The following TTLL11 variants were observed in gnomAD, a reference collection of about 807,000 sequenced individuals.
TTLL11 encodes the protein tubulin tyrosine ligase like 11, also known as tubulin polyglutamylase TTLL11.
Under a neutral mutation model 51.7 loss-of-function variants are expected in TTLL11, and 42 were observed. The ratio of observed to expected loss-of-function variants is 0.81; its 90% CI spans 0.64 to 1.05. The LOEUF (loss-of-function observed/expected upper bound fraction) is 1.05. TTLL11 is among the 50% of genes least tolerant of loss of function. TTLL11 has a pLI of 0.00. For synonymous variants in TTLL11, 381 were observed against 383.5 expected (o/e 0.99, Z 0.08); for missense variants, 799 against 940.4 (o/e 0.85, Z 1.97).
At position 121,947,063 on chromosome 9, in the gene TTLL11, A is replaced by G. The variant is rs143762311; in HGVS notation, c.1481+26946T>C. ...CCTGTTCCAGGTAGCCCAGCTCTCA[A>G]GCAGAAAAATGGGGACTAAAACCAG... On this transcript the variant is annotated intron_variant, in intron 6 of 8. Transcript: ENST00000321582. 6.6e-5 allele frequency among the ~76,000 whole-genome samples: 10 copies of G among 152,256 alleles called. 1 individual carries two copies. Among genetic ancestry groups the G allele is most frequent in the African/African-American group, 2.4e-4 (10 of 41,536 alleles).
At position 121,832,884 on chromosome 9, in the gene TTLL11, G is replaced by A. The variant is rs1016841581; in HGVS notation, c.1841-10005C>T. On this transcript the variant is annotated intron_variant, in intron 8 of 8. Coordinates refer to ENST00000321582, the MANE Select transcript of TTLL11 (RefSeq NM_001139442.2). Reference sequence around the variant, plus strand: ...TAACCCAGGAGGCGGATGTTTCAGTGAGCTGAGATTGCATCAGTGCACTCC... The same window carrying A: ...TAACCCAGGAGGCGGATGTTTCAGTAAGCTGAGATTGCATCAGTGCACTCC... Among the ~76,000 whole-genome samples, 155 of 152,200 alleles carry A rather than the reference G, an allele frequency of 1.0e-3. 15 individuals carry two copies.
chr9:121,992,552 A>G (rs1481972459), intron 3 of TTLL11, among the ~76,000 whole-genome samples: 3 of 152,248 alleles, frequency 2.0e-5, no homozygotes, highest in Non-Finnish European at 4.4e-5. Context: ...AGTGAATTAA[A>G]TAAAAATACC....
chr9:121,985,513 C>CTTTT (rs71371908), intron 4 of TTLL11, among the ~76,000 whole-genome samples: 186 of 97,086 alleles, frequency 1.9e-3, no homozygotes, highest in Middle Eastern at 5.8e-3. Context: ...ATTTTCTTTT[C>CTTTT]TTTTTTTTTT....
intron 6 of TTLL11, among the ~76,000 whole-genome samples, chr9:121,899,894 T>C (rs923265618): frequency 4.6e-5 from 7 of 152,190 alleles, no homozygotes; most frequent in African/African-American, 7.2e-5. Flanking sequence ...AATTTAAAAA[T>C]TACCCTTCCA....
intron 7 of TTLL11, among the ~76,000 whole-genome samples, chr9:121,861,956 C>T (rs1305857959): frequency 1.3e-5 from 2 of 152,182 alleles, no homozygotes; most frequent in Non-Finnish European, 2.9e-5. Flanking sequence ...TCTGTGTGGG[C>T]TGACACAGAA....
rs370296678 is a variant in TTLL11 at position 121,870,591 on chromosome 9, G to T, written c.1639C>A (p.Arg547Ser). ...PKYAKQFNYL[R>S]LVDRMANLFI... ...AAATTTGCCATCCTGTCCACCAGGC[G>T]CAGGTAGTTGAACTGTTTTGCGTAC... Residue 547 changes from arginine to serine, a missense_variant, in exon 7 of 9, where the codon CGC becomes AGC. Arg to Ser is a moderately radical substitution (Grantham distance 110). This residue lies in a region of TTLL11 where 468 missense variants were observed against 612.8 expected (regional missense o/e 0.76). Coordinates refer to ENST00000321582, the MANE Select transcript of TTLL11 (RefSeq NM_001139442.2). 4.5e-6 allele frequency: 7 copies of T among 1,551,588 alleles called. No individual in the cohort carries two copies. The highest frequency in any genetic ancestry group is 2.7e-5 in the African/African-American group (2 of 73,036).
At chr9:121,878,289 G>A (rs953398070) in intron 6 of TTLL11, among the ~76,000 whole-genome samples, 1 of 152,134 alleles carries the variant, frequency 6.6e-6, no homozygotes, top group Non-Finnish European at 1.5e-5. Flanking sequence ...TCTGCTTGGG[G>A]GGCTTGTAAC....
At chr9:121,879,979 G>GA (rs1838721304) in intron 6 of TTLL11, among the ~76,000 whole-genome samples, 1 of 151,246 alleles carries the variant, frequency 6.6e-6, no homozygotes, top group Non-Finnish European at 1.5e-5. Flanking sequence ...AAAAGAAAAA[G>GA]AAAAGAAAAA....
chr9:121,842,772 AT>A (rs1837397684), intron 8 of TTLL11, among the ~76,000 whole-genome samples: 1 of 152,194 alleles, frequency 6.6e-6, no homozygotes, highest in African/African-American at 2.4e-5. Context: ...GTAAGCCCAG[AT>A]TTCCCCGGAG....
intron 3 of TTLL11, among the ~76,000 whole-genome samples, chr9:121,998,918 G>A (rs996116421): frequency 6.6e-6 from 1 of 152,168 alleles, no homozygotes; most frequent in Non-Finnish European, 1.5e-5. Flanking sequence ...GAGATTATGG[G>A]CATGAGCCAC....
intron 8 of TTLL11, among the ~76,000 whole-genome samples, chr9:121,851,734 C>T (rs548178150): frequency 1.7e-4 from 26 of 152,318 alleles, no homozygotes; most frequent in Middle Eastern, 3.4e-3. Context: ...CCCCTCAGTG[C>T]AGTTGGGAGC....
At chr9:121,857,721 G>T (rs1564275646) in intron 8 of TTLL11, among the ~76,000 whole-genome samples, 1 of 152,164 alleles carries the variant, frequency 6.6e-6, no homozygotes, top group Non-Finnish European at 1.5e-5. Context: ...AGAATACGGA[G>T]ACCCTGGCAG....
intron 6 of TTLL11, among the ~76,000 whole-genome samples, chr9:121,921,343 T>A (rs1399653458): frequency 6.6e-6 from 1 of 152,172 alleles, no homozygotes; most frequent in East Asian, 1.9e-4. Flanking sequence ...GTCCTGAAGG[T>A]GCTTAGATTA....
Position 122,043,858 on chromosome 9 carries a change from T to C in TTLL11, c.463-4490A>G, listed in dbSNP as rs181327087. Among the ~76,000 whole-genome samples the C allele has an allele frequency of 2.3e-3, 350 of 152,162 alleles. 1 individual carries two copies. Among genetic ancestry groups the C allele is most frequent in the African/African-American group, 7.9e-3 (329 of 41,552 alleles). On this transcript the variant is annotated intron_variant, in intron 1 of 8. Transcript: ENST00000321582. The stretch of plus-strand genomic sequence containing the variant: ...TATATATATATTTTTTTCTTTTCTT[T>C]TTTTATTTTATTATTATACTTTAAG...
At chr9:122,056,492 T>G (rs920151641) in intron 1 of TTLL11, among the ~76,000 whole-genome samples, 10 of 152,290 alleles carry the variant, frequency 6.6e-5, no homozygotes, top group African/African-American at 2.4e-4. Context: ...TTTAACCCTC[T>G]GGTACTGCAT....
chr9:122,091,889 A>G (rs1450756993), intron 1 of TTLL11, among the ~76,000 whole-genome samples: 2 of 152,228 alleles, frequency 1.3e-5, no homozygotes, highest in East Asian at 3.9e-4. Context: ...CTCAGGGATG[A>G]TAACTCATGT....
At chr9:121,917,203 C>T (rs537187008) in intron 6 of TTLL11, among the ~76,000 whole-genome samples, 195 of 152,170 alleles carry the variant, frequency 1.3e-3, no homozygotes, top group African/African-American at 4.5e-3. Context: ...CATGGTGGCT[C>T]ATGCCTATAA....
At chr9:121,966,272 G>A (rs571970630) in intron 6 of TTLL11, among the ~76,000 whole-genome samples, 17 of 152,282 alleles carry the variant, frequency 1.1e-4, no homozygotes, top group Non-Finnish European at 2.1e-4. Flanking sequence ...CTCTGAATAA[G>A]AGGAAAGCAG....
chr9:121,955,097 A>C (rs1274370891), intron 6 of TTLL11, among the ~76,000 whole-genome samples: 1 of 152,196 alleles, frequency 6.6e-6, no homozygotes, highest in Non-Finnish European at 1.5e-5. Context: ...AAATCTATGG[A>C]GCCCATTTGC....
Sources: allele counts gnomAD v4.1 joint callset (sites outside exome capture counted in the v4.1 genomes callset), GRCh38; gene constraint gnomAD v4.1.1; regional missense constraint gnomAD v4.1.1; transcripts MANE v1.5; gene names NCBI Gene and HGNC (gene_info 2026-07-23, HGNC 2026-07-21).